Variants in LHFPL3 observed in about 807,000 individuals in gnomAD.
LHFPL3 encodes the protein LHFPL tetraspan subfamily member 3.
A neutral mutation model predicts 19.3 loss-of-function variants in LHFPL3; 5 were observed. The observed-to-expected ratio is 0.26, with a 90% CI of 0.14 to 0.54. The LOEUF (loss-of-function observed/expected upper bound fraction) is 0.54, where lower values mean the gene tolerates loss of function less well. Ranked by LOEUF, LHFPL3 falls within the 20% of genes least tolerant of loss-of-function variation. The pLI, the probability that LHFPL3 is intolerant of heterozygous loss-of-function variation, is 0.94. For synonymous variants in LHFPL3, 133 were observed against 126.2 expected (o/e 1.05, Z -0.36); for missense variants, 249 against 307.4 (o/e 0.81, Z 1.42).
chr7:104,329,742 C>T (rs1364992407), intron 1 of LHFPL3, among the ~76,000 whole-genome samples: 1 of 152,166 alleles, frequency 6.6e-6, no homozygotes, highest in Non-Finnish European at 1.5e-5. Flanking sequence ...TGTTTCTTTC[C>T]ATCCCGGGCA....
intron 1 of LHFPL3, among the ~76,000 whole-genome samples, chr7:104,566,372 C>A (rs544153705): frequency 6.6e-6 from 1 of 152,040 alleles, no homozygotes; most frequent in Non-Finnish European, 1.5e-5. Context: ...AACTCACCTT[C>A]TTCCTACACA....
At chr7:104,430,433 T>C (rs796461747) in intron 1 of LHFPL3, among the ~76,000 whole-genome samples, 62 of 13,604 alleles carry the variant, frequency 4.6e-3, no homozygotes, top group South Asian at 0.012. Context: ...TATATATATA[T>C]ATATATATAT....
At chr7:104,771,107 T>C (rs1374006379) in intron 2 of LHFPL3, among the ~76,000 whole-genome samples, 1 of 152,146 alleles carries the variant, frequency 6.6e-6, no homozygotes, top group Admixed American at 6.5e-5. Context: ...CCCTTCCAGT[T>C]CTTTCTCCTC....
At chr7:104,411,748 T>C (rs1452648226) in intron 1 of LHFPL3, among the ~76,000 whole-genome samples, 1 of 152,172 alleles carries the variant, frequency 6.6e-6, no homozygotes, top group Non-Finnish European at 1.5e-5. Flanking sequence ...AAGGGTAGTA[T>C]TGAAAATAAG....
intron 2 of LHFPL3, among the ~76,000 whole-genome samples, chr7:104,887,534 A>C (rs905432615): frequency 1.3e-5 from 2 of 152,212 alleles, no homozygotes; most frequent in African/African-American, 4.8e-5. Flanking sequence ...TGCTAGAGGT[A>C]AGGGATGGTG....
At chr7:104,430,388 A>ATG (rs1554393127) in intron 1 of LHFPL3, among the ~76,000 whole-genome samples, 7 of 50,054 alleles carry the variant, frequency 1.4e-4, no homozygotes, top group Non-Finnish European at 2.4e-4. Context: ...ATATACATAT[A>ATG]TATATATATA....
At chr7:104,380,077 CTGTT>C (rs1324090075) in intron 1 of LHFPL3, among the ~76,000 whole-genome samples, 1 of 152,152 alleles carries the variant, frequency 6.6e-6, no homozygotes, top group African/African-American at 2.4e-5. Context: ...TAAAATCAAA[CTGTT>C]TGTCTTTCTA....
chr7:104,433,839 C>T (rs1792047475), intron 1 of LHFPL3, among the ~76,000 whole-genome samples: 1 of 152,166 alleles, frequency 6.6e-6, no homozygotes, highest in Admixed American at 6.5e-5. Flanking sequence ...CCCTTCTACA[C>T]TGTAAGATCC....
At chr7:104,601,805 G>T (rs1049224824) in intron 1 of LHFPL3, among the ~76,000 whole-genome samples, 1 of 152,052 alleles carries the variant, frequency 6.6e-6, no homozygotes, top group Admixed American at 6.6e-5. Context: ...ACCTGGAGCT[G>T]GCTCTGGTCC....
intron 1 of LHFPL3, among the ~76,000 whole-genome samples, chr7:104,334,834 A>G (rs1789753691): frequency 6.6e-6 from 1 of 152,216 alleles, no homozygotes; most frequent in Admixed American, 6.5e-5. Context: ...TCTCATTAAA[A>G]AAACCTCATA....
intron 2 of LHFPL3, among the ~76,000 whole-genome samples, chr7:104,851,423 A>T (rs1258987490): frequency 1.3e-5 from 2 of 152,034 alleles, no homozygotes; most frequent in African/African-American, 4.8e-5. Context: ...CTTCTTGGAG[A>T]GTTGGAGATT....
At chr7:104,780,653 A>G (rs1405963711) in intron 2 of LHFPL3, among the ~76,000 whole-genome samples, 2 of 152,070 alleles carry the variant, frequency 1.3e-5, no homozygotes, top group African/African-American at 4.8e-5. Context: ...CTCACTTTCT[A>G]AACACTTTGA....
chr7:104,669,270 A>G (rs1792425340), intron 1 of LHFPL3: 3 of 1,613,960 alleles, frequency 1.9e-6, no homozygotes, highest in Non-Finnish European at 2.5e-6. Flanking sequence ...GTGGTGGGGG[A>G]AAAGTAGCTC....
chr7:104,809,434 A>G (rs1230935367), intron 2 of LHFPL3, among the ~76,000 whole-genome samples: 1 of 152,176 alleles, frequency 6.6e-6, no homozygotes, highest in Non-Finnish European at 1.5e-5. Context: ...TTCTAAAGTG[A>G]CCATCCACGT....
At chr7:104,433,241 A>C (rs1792035053) in intron 1 of LHFPL3, among the ~76,000 whole-genome samples, 2 of 152,192 alleles carry the variant, frequency 1.3e-5, no homozygotes, top group Admixed American at 1.3e-4. Flanking sequence ...TGATGTTGTC[A>C]CTCATTATGT....
At chr7:104,617,972 C>T (rs1446846202) in intron 1 of LHFPL3, among the ~76,000 whole-genome samples, 4 of 152,140 alleles carry the variant, frequency 2.6e-5, no homozygotes, top group Non-Finnish European at 4.4e-5. Context: ...AAGAACTCAC[C>T]GGCAAGTCAA....
intron 1 of LHFPL3, among the ~76,000 whole-genome samples, chr7:104,586,453 A>T (rs1409441172): frequency 6.6e-6 from 1 of 152,126 alleles, no homozygotes; most frequent in East Asian, 1.9e-4. Flanking sequence ...AACATAGTCT[A>T]TGAAGTATTT....
At chr7:104,657,546 C>T (rs1792142713) in intron 1 of LHFPL3, among the ~76,000 whole-genome samples, 1 of 152,158 alleles carries the variant, frequency 6.6e-6, no homozygotes, top group African/African-American at 2.4e-5. Flanking sequence ...CTCACAGCAG[C>T]CCTGCAAGGT....
At chr7:104,902,815 G>A (rs1308605823) in intron 2 of LHFPL3, among the ~76,000 whole-genome samples, 8 of 152,098 alleles carry the variant, frequency 5.3e-5, no homozygotes, top group African/African-American at 1.4e-4. Flanking sequence ...AAGTTACAGC[G>A]AGGGATCTAA....
Sources: allele counts gnomAD v4.1 joint callset (sites outside exome capture counted in the v4.1 genomes callset), GRCh38; gene constraint gnomAD v4.1.1; transcripts MANE v1.5; gene names NCBI Gene and HGNC (gene_info 2026-07-23, HGNC 2026-07-21).